PCNX1: variants seen among roughly 807,000 people sequenced by gnomAD.
The protein encoded by PCNX1 is pecanex 1.
A neutral mutation model predicts 242.2 loss-of-function variants in PCNX1; 78 were observed. The ratio of observed to expected loss-of-function variants is 0.32; its 90% confidence interval spans 0.27 to 0.39. The LOEUF (loss-of-function observed/expected upper bound fraction) is 0.39. Ranked by LOEUF, PCNX1 falls within the 10% of genes least tolerant of loss-of-function variation. The pLI, the probability that PCNX1 is intolerant of heterozygous loss-of-function variation, is 1.00. For missense variants in PCNX1, 2,581 were observed against 2,856.5 expected, an observed-to-expected ratio of 0.90 and a Z score of 2.20; for synonymous variants, 1,024 against 1,032.9, an observed-to-expected ratio of 0.99 and a Z score of 0.17.
At chr14:71,042,190 G>A (rs958978232) in intron 19 of PCNX1, among the ~76,000 whole-genome samples, 3 of 152,120 alleles carry the variant, frequency 2.0e-5, no homozygotes, top group African/African-American at 7.2e-5. Flanking sequence ...AGGTCCATTT[G>A]TTCTGTAGTG....
chr14:71,058,273 C>G (rs935310974), intron 26 of PCNX1, among the ~76,000 whole-genome samples: 1 of 152,192 alleles, frequency 6.6e-6, no homozygotes, highest in African/African-American at 2.4e-5. Context: ...ATTTTCATCA[C>G]TCCAAAATAA....
At chr14:71,096,551 A>G (rs1242048741) in intron 30 of PCNX1, among the ~76,000 whole-genome samples, 4 of 152,190 alleles carry the variant, frequency 2.6e-5, no homozygotes, top group African/African-American at 9.7e-5. Context: ...TAAAAATACT[A>G]CTCTACAAAG....
chr14:71,108,406 T>C (rs1327205665), intron 33 of PCNX1, among the ~76,000 whole-genome samples, 198 bp from the exon 34 acceptor site: 1 of 152,208 alleles, frequency 6.6e-6, no homozygotes, highest in Non-Finnish European at 1.5e-5. Context: ...ATAAAAAATA[T>C]ATTACAAGAA....
intron 24 of PCNX1, among the ~76,000 whole-genome samples, chr14:71,053,849 T>C (rs555909934): frequency 1.3e-5 from 2 of 152,236 alleles, no homozygotes; most frequent in African/African-American, 2.4e-5. Flanking sequence ...GGCATTGTTA[T>C]ATAGTTTTGC....
chr14:71,021,714 A>G (rs573030665), intron 12 of PCNX1, among the ~76,000 whole-genome samples: 2 of 152,076 alleles, frequency 1.3e-5, no homozygotes, highest in African/African-American at 2.4e-5. Flanking sequence ...TGAATGCTAC[A>G]TCATTTAATA....
At chr14:70,924,984 T>G (rs987178741) in intron 1 of PCNX1, among the ~76,000 whole-genome samples, 2 of 149,292 alleles carry the variant, frequency 1.3e-5, no homozygotes, top group South Asian at 2.1e-4. Context: ...CACATCTGGT[T>G]TTTTTTTTTT....
At position 70,929,455 on chromosome 14, in the gene PCNX1, G is replaced by A. The variant is rs1020853834; in HGVS notation, c.154-17460G>A. ...TGTTTTTCATCCAGTTGTTTTTCTTGTGTGTGTTTGTAGCAACATGACTTG... is the reference window on the plus strand; with the variant it reads ...TGTTTTTCATCCAGTTGTTTTTCTTATGTGTGTTTGTAGCAACATGACTTG... On this transcript the variant is annotated intron_variant, in intron 1 of 35. Transcript: ENST00000304743. Among the ~76,000 whole-genome samples the A allele has an allele frequency of 2.0e-5, 3 of 151,970 alleles. No homozygotes were observed. The South Asian group carries it at 6.2e-4, about 32-fold the overall frequency.
rs757228769 is a variant in PCNX1 at position 70,988,689 on chromosome 14, T to C, written c.2434T>C (p.Ser812Pro). 1.9e-6 allele frequency: 3 copies of C among 1,613,896 alleles called. No homozygotes were observed. Among genetic ancestry groups the C allele is most frequent in the East Asian group, 2.2e-5 (1 of 44,880 alleles). The change falls in exon 7 of 36, where the codon TCA becomes CCA. Residue 812 changes from serine to proline, a missense_variant. Transcript: ENST00000304743. ...TACCCCTCCTACATTGCTCATCGGA[T>C]CACCCCTAAGGTATGGTATTTTCAA... is the stretch of plus-strand genomic sequence containing the variant. ...NPTPPTLLIG[S>P]PLSLQDGQQG...
At chr14:70,975,825 G>A (rs987955156) in intron 5 of PCNX1, among the ~76,000 whole-genome samples, 44 of 151,722 alleles carry the variant, frequency 2.9e-4, no homozygotes, top group Non-Finnish European at 5.6e-4. Context: ...TGTATGATAA[G>A]TCACTAATCA....
chr14:70,928,005 C>A lies in PCNX1; in HGVS notation c.154-18910C>A, dbSNP rs189430190. 1.1e-4 allele frequency among the ~76,000 whole-genome samples: 16 copies of A among 152,104 alleles called. No homozygotes were observed. In the East Asian group the frequency reaches 3.1e-3, roughly 29 times the overall value. On this transcript the variant is annotated intron_variant, in intron 1 of 35. Transcript: ENST00000304743. The stretch of plus-strand genomic sequence containing the variant: ...CTAATTTTTGTATATATTAATATTT[C>A]ATTTTAAAATATTTATTTTTACTTA...
At chr14:71,032,777 T>C (rs992086187) in intron 16 of PCNX1, among the ~76,000 whole-genome samples, 5 of 152,216 alleles carry the variant, frequency 3.3e-5, no homozygotes, top group Admixed American at 1.3e-4. Context: ...CTGCCAGGTA[T>C]CATGCTGATA....
At chr14:71,018,600 A>T (rs186442113) in intron 11 of PCNX1, among the ~76,000 whole-genome samples, 138 of 152,312 alleles carry the variant, frequency 9.1e-4, no homozygotes, top group African/African-American at 3.1e-3. Flanking sequence ...AATGTTTTAA[A>T]TTTAATTTTC....
rs774598771 is a variant in PCNX1 at position 71,110,046 on chromosome 14, A to G, written c.*111A>G. The G allele has an allele frequency of 2.1e-6, 2 of 973,730 alleles. No homozygotes were observed. Among genetic ancestry groups the G allele is most frequent in the Admixed American group, 3.5e-5 (2 of 57,292 alleles). The allele number at this position is 973,730 out of a possible 1,614,324, so 60.3% of individuals were successfully genotyped here. A position where few individuals can be genotyped will look rare whatever the true frequency, so the allele number is the denominator to read the frequency against. On this transcript the variant is annotated 3_prime_UTR_variant, in exon 36 of 36. Transcript: ENST00000304743. Reference sequence around the variant, plus strand: ...AGGTATCACTTTGATCCTATGTGGGAGCGACTGAAAATAGAATGAGCTTGG... The same window carrying G: ...AGGTATCACTTTGATCCTATGTGGGGGCGACTGAAAATAGAATGAGCTTGG...
Position 71,051,925 on chromosome 14 carries a change from T to C in PCNX1, c.4490T>C (p.Phe1497Ser), listed in dbSNP as rs765721203. The change falls in exon 24 of 36, where the codon TTC becomes TCC. Residue 1497 changes from phenylalanine (F) to serine (S), a missense_variant. Around this residue, in one of 9 missense-constraint regions of PCNX1, gnomAD observed 99 missense variants for 147.3 expected, o/e 0.67. Transcript: ENST00000304743. Reference protein sequence around the residue: ...LFIQAAVSAFFSTPLNPFLGS... With the variant: ...LFIQAAVSAFSSTPLNPFLGS... ...ATTCAGGCTGCTGTCTCGGCCTTCT[T>C]CTCTACTCCACTGAACCCCTTTCTG... The C allele has an allele frequency of 3.7e-6, 6 of 1,613,836 alleles. No individual in the cohort carries two copies. The East Asian group carries it at 1.1e-4, about 30-fold the overall frequency.
chr14:70,932,910 C>G (rs901952226), intron 1 of PCNX1, among the ~76,000 whole-genome samples: 2 of 152,090 alleles, frequency 1.3e-5, no homozygotes, highest in African/African-American at 2.4e-5. Context: ...CCACGCCCGG[C>G]CAAGAAGTTT....
Position 70,977,444 on chromosome 14 carries a change from C to T in PCNX1, c.1107C>T (p.Asp369=), listed in dbSNP as rs780365855. 6.2e-7 allele frequency: 1 copy of T among 1,614,034 alleles called. No individual in the cohort carries two copies. Among genetic ancestry groups the T allele is most frequent in the Non-Finnish European group, 8.5e-7 (1 of 1,180,022 alleles). ...SKPLKAEKSM[D]SLRSLSTRSS... ...CTTTGAAAGCAGAGAAAAGCATGGA[C>T]AGCTTGAGGAGCCTGAGCACACGGA... The change falls in exon 6 of 36, where the codon GAC becomes GAT. Residue 369 remains aspartate, a synonymous_variant. Transcript: ENST00000304743.
rs1421056077 is a variant in PCNX1 at position 71,112,388 on chromosome 14, A to G, written c.*2453A>G. 1.3e-5 allele frequency: 2 copies of G among 152,106 alleles called. No individual in the cohort carries two copies. Among genetic ancestry groups the G allele is most frequent in the Non-Finnish European group, 2.9e-5 (2 of 67,946 alleles). The allele number at this position is 152,106 out of a possible 1,614,324, so 9.4% of individuals were successfully genotyped here. On this transcript the variant is annotated 3_prime_UTR_variant, in exon 36 of 36. Coordinates refer to ENST00000304743, the MANE Select transcript of PCNX1 (RefSeq NM_014982.3). The stretch of plus-strand genomic sequence containing the variant: ...AACAAGTTGAATTTTGTTAACATAT[A>G]TAATTCTTTAGTGAATTTATAAATT...
At chr14:70,942,921 C>T (rs1272644275) in intron 1 of PCNX1, 1 of 152,252 alleles carries the variant, frequency 6.6e-6, no homozygotes, top group East Asian at 1.9e-4. Flanking sequence ...CCATGCTGTT[C>T]TTGAGATAGT....
intron 26 of PCNX1, 30 bp from the exon 27 acceptor site, chr14:71,073,515 C>G (rs749318807): frequency 1.3e-6 from 2 of 1,562,474 alleles, no homozygotes; most frequent in South Asian, 2.4e-5. Flanking sequence ...TGGTTTTCCC[C>G]CTTTGTAAAG....
Sources: gnomAD v4.1 joint callset for allele counts (sites outside exome capture counted in the v4.1 genomes callset) on GRCh38, gnomAD v4.1.1 for gene constraint, gnomAD v4.1.1 regional missense constraint, MANE v1.5 for transcripts, NCBI Gene and HGNC (gene_info 2026-07-23, HGNC 2026-07-21) for gene names.